The following DGCR6L variants were observed in gnomAD, a reference collection of about 807,000 sequenced individuals.
The protein encoded by DGCR6L is DiGeorge syndrome critical region gene 6 like.
In DGCR6L, 24 loss-of-function variants were observed where a neutral mutation model predicts 31.1. The observed-to-expected ratio is 0.77, with a 90% CI of 0.56 to 1.08. The LOEUF is 1.08. Among genes scored for constraint, DGCR6L ranks in the 50% least tolerant of loss-of-function variants. DGCR6L has a pLI of 0.00. For missense variants in DGCR6L, 218 were observed against 287.1 expected (o/e 0.76, Z 1.74); for synonymous variants, 104 against 126.1 (o/e 0.82, Z 1.17).
intron 4 of DGCR6L, 181 bp downstream of exon 4, chr22:20,315,155 C>T: frequency 2.1e-6 from 3 of 1,451,680 alleles, no homozygotes; most frequent in South Asian, 2.4e-5. Flanking sequence ...GGCTCACCCT[C>T]CTGTAGGGAA....
chr22:20,318,003 T>G (rs1293489671), intron 2 of DGCR6L: 3 of 265,202 alleles, frequency 1.1e-5, no homozygotes, highest in Admixed American at 5.0e-5. Context: ...AAACCAGATA[T>G]TACATGAAAA....
At position 20,314,970 on chromosome 22, in the gene DGCR6L, T is replaced by C. The variant is rs1177271024; in HGVS notation, c.514-146A>G. ...TGCCAGGACAGGGTGGAATCTGAGC[T>C]TCTGCCCCCAACAGGGCCACTCGGA... On this transcript the variant is annotated intron_variant, in intron 4 of 4. Transcript: ENST00000248879. 1.5e-5 allele frequency: 22 copies of C among 1,516,600 alleles called. No individual in the cohort carries two copies. In the Middle Eastern group the frequency reaches 8.9e-4, roughly 61 times the overall value. 93.9% of individuals were successfully genotyped at this position (1,516,600 alleles called of 1,614,324 possible).
chr22:20,316,705 C>T (rs1307231465), intron 2 of DGCR6L, among the ~76,000 whole-genome samples: 14 of 152,196 alleles, frequency 9.2e-5, no homozygotes, highest in Non-Finnish European at 1.9e-4. Flanking sequence ...CAGTGCTGCC[C>T]TTCAGGGTAG....
chr22:20,320,049 C>T lies in DGCR6L; in HGVS notation c.-61G>A, dbSNP rs1174720868. On this transcript the variant is annotated 5_prime_UTR_variant, in exon 1 of 5. Coordinates refer to ENST00000248879, the MANE Select transcript of DGCR6L (RefSeq NM_033257.4). ...GAGCTCCCCCAGCTTCACGACATCC[C>T]GAGCGCGGCGCGTCCCGCCCCTTTT... 5.5e-6 allele frequency: 8 copies of T among 1,462,512 alleles called. No individual in the cohort carries two copies. The highest frequency in any genetic ancestry group is 5.1e-5 in the East Asian group (2 of 39,250). The allele number at this position is 1,462,512 out of a possible 1,614,324, so 90.6% of individuals were successfully genotyped here.
chr22:20,318,845 C>T (rs2051587878), intron 2 of DGCR6L: 1 of 152,176 alleles, frequency 6.6e-6, no homozygotes, highest in Admixed American at 6.5e-5. Flanking sequence ...CCACAAATGT[C>T]AGCATGGCTG....
intron 2 of DGCR6L, among the ~76,000 whole-genome samples, chr22:20,319,221 C>T (rs902082097): frequency 6.6e-6 from 1 of 152,182 alleles, no homozygotes; most frequent in Non-Finnish European, 1.5e-5. Context: ...TGGAATGAGG[C>T]CCTGCGAGGC....
rs202223517 is a variant in DGCR6L, at chr22:20,315,445, C to T, written c.404G>A (p.Arg135Gln). 2.4e-5 allele frequency: 39 copies of T among 1,613,776 alleles called. No individual in the cohort carries two copies. Among genetic ancestry groups the T allele is most frequent in the African/African-American group, 2.0e-4 (15 of 75,062 alleles). Residue 135 changes from arginine (R) to glutamine (Q), a missense_variant, in exon 4 of 5, where the codon CGG becomes CAG. By Grantham distance (43) the Arg-to-Gln change is conservative (BLOSUM62 1). Around this residue, in one of 4 missense-constraint regions of DGCR6L, gnomAD observed 78 missense variants for 90.0 expected, o/e 0.87. Coordinates refer to ENST00000248879, the MANE Select transcript of DGCR6L (RefSeq NM_033257.4). ...AVEHRIREEQ[R>Q]AMDQKIILEL... ...CAGGATGATCTTCTGGTCCATCGCCCGCTGCTCCTCACGGATCCGGTGTTC... is the reference window on the plus strand; with the variant it reads ...CAGGATGATCTTCTGGTCCATCGCCTGCTGCTCCTCACGGATCCGGTGTTC...
intron 2 of DGCR6L, among the ~76,000 whole-genome samples, chr22:20,316,422 A>C (rs1026588261): frequency 7.2e-5 from 11 of 152,170 alleles, no homozygotes; most frequent in African/African-American, 2.7e-4. Flanking sequence ...GGGACTCCAG[A>C]AGGTGCGGGG....
chr22:20,319,334 T>A lies in DGCR6L; in HGVS notation c.271+305A>T, dbSNP rs2051590733. Among the ~76,000 whole-genome samples, 3 of 152,248 alleles carry A rather than the reference T, an allele frequency of 2.0e-5. No homozygotes were observed. In the South Asian group the frequency reaches 6.2e-4, roughly 31 times the overall value. On this transcript the variant is annotated intron_variant, in intron 2 of 4. Transcript: ENST00000248879. ...TGCAGTCAGCGCCACCACCAGAGTC[T>A]GCCTGCAGGCCAATCAGGCACCGAG...
In DGCR6L at chr22:20,315,313, G is replaced by A. The variant is rs1277067779; in HGVS notation, c.513+23C>T. 5 of 1,606,094 alleles carry A rather than the reference G, an allele frequency of 3.1e-6. No individual in the cohort carries two copies. In the African/African-American group the frequency reaches 5.4e-5, roughly 17 times the overall value. On this transcript the variant is annotated intron_variant, in intron 4 of 4. Transcript: ENST00000248879. ...GGGGCCCCGGGGCACTCGGGCTAGG[G>A]CAGAGCAGGCCCAGGCACTGACCTG...
At position 20,316,231 on chromosome 22, in the gene DGCR6L, G is replaced by A. The variant is rs1260249167; in HGVS notation, c.272-12C>T. ...CGCCTGCCTGAGCACTGGGAGGGATGAGAGCCCGTCAGCAGGCGGTGGGAC... is the reference window on the plus strand; with the variant it reads ...CGCCTGCCTGAGCACTGGGAGGGATAAGAGCCCGTCAGCAGGCGGTGGGAC... On this transcript the variant is annotated splice_polypyrimidine_tract_variant and intron_variant, in intron 2 of 4. Transcript: ENST00000248879. 1.9e-6 allele frequency: 3 copies of A among 1,593,932 alleles called. No individual in the cohort carries two copies. Among genetic ancestry groups the A allele is most frequent in the Non-Finnish European group, 2.6e-6 (3 of 1,172,038 alleles).
chr22:20,315,443 C>T lies in DGCR6L; in HGVS notation c.406G>A (p.Ala136Thr). 1.2e-6 allele frequency: 2 copies of T among 1,613,814 alleles called. No homozygotes were observed. The highest frequency in any genetic ancestry group is 1.7e-6 in the Non-Finnish European group (2 of 1,179,992). The change falls in exon 4 of 5, where the codon GCG becomes ACG. Residue 136 changes from alanine (A) to threonine (T), a missense_variant. Ala to Thr is a moderately conservative substitution (Grantham distance 58). Transcript: ENST00000248879. ...VEHRIREEQR[A>T]MDQKIILELD... ...TCCAGGATGATCTTCTGGTCCATCG[C>T]CCGCTGCTCCTCACGGATCCGGTGT... is the stretch of plus-strand genomic sequence containing the variant.
In DGCR6L at chr22:20,319,603, G is replaced by C. The variant is rs112389145; in HGVS notation, c.271+36C>G. On this transcript the variant is annotated intron_variant, in intron 2 of 4. Coordinates refer to ENST00000248879, the MANE Select transcript of DGCR6L (RefSeq NM_033257.4). ...AGAGCTGCCCGGAGGCGCCGACCCG[G>C]AGGAGGCGGCACCTCATCCCGCTGC... The C allele has an allele frequency of 6.2e-5, 99 of 1,605,408 alleles. No individual in the cohort carries two copies. In the African/African-American group the frequency reaches 7.2e-4, roughly 12 times the overall value.
intron 2 of DGCR6L, among the ~76,000 whole-genome samples, chr22:20,319,149 G>C (rs2051589534): frequency 6.6e-6 from 1 of 152,210 alleles, no homozygotes; most frequent in South Asian, 2.1e-4. Context: ...GGCTCAAGTG[G>C]GAAGCTCTTC....
intron 4 of DGCR6L, chr22:20,315,080 G>C (rs2051561800): frequency 8.4e-7 from 1 of 1,187,720 alleles, no homozygotes; most frequent in Non-Finnish European, 1.2e-6. Context: ...TGCGGGAGGG[G>C]AGCAGAAGAG....
chr22:20,314,721 G>A lies in DGCR6L; in HGVS notation c.617C>T (p.Ser206Leu), dbSNP rs535612937. 42 of 1,611,072 alleles carry A rather than the reference G, an allele frequency of 2.6e-5. No homozygotes were observed. The highest frequency in any genetic ancestry group is 3.4e-5 in the Non-Finnish European group (40 of 1,179,066). ...TTTCTGGTCACACTGGGCAGCAGGC[G>A]ACTGCCAGGGACCTCCCAGTCCCAG... The part of the protein sequence containing the change: ...AALGLGGPWQ[S>L]PAAQCDQKGS... The change falls in exon 5 of 5, where the codon TCG becomes TTG. Residue 206 changes from serine (S) to leucine (L), a missense_variant. Coordinates refer to ENST00000248879, the MANE Select transcript of DGCR6L (RefSeq NM_033257.4).
chr22:20,316,341 T>TGGAGGAG, intron 2 of DGCR6L, 122 bp from the exon 3 acceptor site: 3 of 1,294,496 alleles, frequency 2.3e-6, no homozygotes, highest in South Asian at 1.3e-5. Flanking sequence ...GTGGGGAGGA[T>TGGAGGAG]GCCAGCCTCC....
intron 4 of DGCR6L, chr22:20,315,102 G>A (rs2051561984): frequency 8.2e-7 from 1 of 1,216,720 alleles, no homozygotes; most frequent in African/African-American, 1.5e-5. Flanking sequence ...GCCCTGTGTG[G>A]CACAGCAGGC....
rs11541284 is a variant in DGCR6L at position 20,319,972 on chromosome 22, G to C, written c.17C>G (p.Ala6Gly). 8.1e-6 allele frequency: 13 copies of C among 1,596,514 alleles called. No individual in the cohort carries two copies. Among genetic ancestry groups the C allele is most frequent in the South Asian group, 3.4e-5 (3 of 89,220 alleles). The change falls in exon 1 of 5, where the codon GCC becomes GGC. Residue 6 changes from alanine to glycine, a missense_variant. By Grantham distance (60) the Ala-to-Gly change is moderately conservative. Transcript: ENST00000248879. ...ACCGTCCGCCACCTCCTCCAAGGCG[G>C]CCGCGTAGCGCTCCATGGCGCGGAC... is the stretch of plus-strand genomic sequence containing the variant. MERYAAALEEVADGAR... is the reference protein window; with the variant it reads MERYAGALEEVADGAR...
Sources: allele counts gnomAD v4.1 joint callset (sites outside exome capture counted in the v4.1 genomes callset), GRCh38; gene constraint gnomAD v4.1.1; regional missense constraint gnomAD v4.1.1; transcripts MANE v1.5; gene names NCBI Gene and HGNC (gene_info 2026-07-23, HGNC 2026-07-21).